Variants in FRMD1 observed in about 807,000 individuals in gnomAD.
The protein encoded by FRMD1 is FERM domain-containing protein 1.
A neutral mutation model predicts 54.9 loss-of-function variants in FRMD1; 51 were observed. The observed-to-expected ratio is 0.93, with a 90% CI of 0.74 to 1.17. FRMD1 has a LOEUF of 1.17. FRMD1 is among the 50% of genes most tolerant of loss of function. FRMD1 has a pLI of 0.00. For synonymous variants in FRMD1, 324 were observed against 306.4 expected (o/e 1.06, Z -0.60); for missense variants, 729 against 743.0 (o/e 0.98, Z 0.22).
chr6:168,087,628 A>G (rs1800943838), intron 1 of FRMD1, among the ~76,000 whole-genome samples: 1 of 152,170 alleles, frequency 6.6e-6, no homozygotes, highest in Non-Finnish European at 1.5e-5. Context: ...TGGCGTGTGC[A>G]ATGCGTGCGC....
In FRMD1 at chr6:168,065,008, G is replaced by C. The variant is rs1217667666; in HGVS notation, c.511C>G (p.Leu171Val). Residue 171 changes from leucine to valine, a missense_variant, in exon 5 of 11, where the codon CTG becomes GTG. Leu to Val is a conservative substitution (Grantham distance 32, BLOSUM62 1). Transcript: ENST00000283309. The part of the protein sequence containing the change: ...LYYCHLKERV[L>V]RSQCAHREEA... ...TCCCGGTGAGCGCACTGTGACCTCAGCACGCGCTCCTTCAAGTGGCAGTAG... is the reference window on the plus strand; with the variant it reads ...TCCCGGTGAGCGCACTGTGACCTCACCACGCGCTCCTTCAAGTGGCAGTAG... The C allele has an allele frequency of 2.5e-6, 4 of 1,611,338 alleles. No homozygotes were observed. The African/African-American group carries it at 5.3e-5, about 21-fold the overall frequency.
upstream of FRMD1, among the ~76,000 whole-genome samples, chr6:168,085,463 C>A (rs1196872798): frequency 6.6e-6 from 1 of 152,224 alleles, no homozygotes; most frequent in Non-Finnish European, 1.5e-5. Context: ...GCACTCCAGC[C>A]CCTGGGAATG....
intron 6 of FRMD1, 56 bp from the exon 7 acceptor site, chr6:168,063,015 G>A: frequency 2.8e-6 from 4 of 1,450,928 alleles, no homozygotes; most frequent in Non-Finnish European, 2.9e-6. Flanking sequence ...GGGCCTCACT[G>A]ATGGCAGAGT....
At chr6:168,075,855 G>A (rs529559330) in intron 1 of FRMD1, 64 of 1,447,486 alleles carry the variant, frequency 4.4e-5, no homozygotes, top group Non-Finnish European at 5.9e-5. Flanking sequence ...GGCGTCCCGT[G>A]TCCACATTTC....
Position 168,063,604 on chromosome 6 carries a change from G to T in FRMD1, c.801C>A (p.His267Gln), listed in dbSNP as rs1217239237. 1 of 1,610,642 alleles carries T rather than the reference G, an allele frequency of 6.2e-7. No individual in the cohort carries two copies. Residue 267 changes from histidine (H) to glutamine (Q), a missense_variant, in exon 6 of 11, where the codon CAC (histidine) becomes CAA (glutamine). Coordinates refer to ENST00000283309, the MANE Select transcript of FRMD1 (RefSeq NM_024919.6). ...EDVPVHFFRL[H>Q]KDKKEGRPTV... ...CGCTGGCCGCCCTGGGCTCGACCTT[G>T]TGCAGCCTGAAGAAGTGCACGGGCA...
chr6:168,088,052 C>G (rs1800951812), intron 1 of FRMD1, among the ~76,000 whole-genome samples: 2 of 152,322 alleles, frequency 1.3e-5, no homozygotes, highest in East Asian at 3.9e-4. Flanking sequence ...AAGGCTCTCT[C>G]CCTCTGGTTC....
Position 168,064,924 on chromosome 6 carries a change from C to G in FRMD1, c.595G>C (p.Glu199Gln). 6.2e-7 allele frequency: 1 copy of G among 1,606,498 alleles called. No homozygotes were observed. Among genetic ancestry groups the G allele is most frequent in the Non-Finnish European group, 8.5e-7 (1 of 1,177,134 alleles). Residue 199 changes from glutamate (E) to glutamine (Q), a missense_variant, in exon 5 of 11, where the codon GAG becomes CAG. Glu to Gln is a conservative substitution (Grantham distance 29). Coordinates refer to ENST00000283309, the MANE Select transcript of FRMD1 (RefSeq NM_024919.6). ...ALQADLGEHR[E>Q]SAHAGRYFEP... ...AAGTACCTCCCGGCATGGGCCGACT[C>G]CCGGTGCTCGCCCAGGTCAGCCTGC...
rs1310900806 is a variant in FRMD1 at position 168,065,055 on chromosome 6, T to A, written c.464A>T (p.Asp155Val). 1.3e-6 allele frequency: 2 copies of A among 1,598,476 alleles called. No homozygotes were observed. Among genetic ancestry groups the A allele is most frequent in the East Asian group, 2.2e-5 (1 of 44,546 alleles). The part of the protein sequence containing the change: ...HYVENGRVIS[D>V]HRARHLYYCH... ...GTAGTACAGGTGCCGTGCCCTGTGGTCGCTGGAAGGTGGCAGGGAGTGAGT... is the reference window on the plus strand; with the variant it reads ...GTAGTACAGGTGCCGTGCCCTGTGGACGCTGGAAGGTGGCAGGGAGTGAGT... Residue 155 changes from aspartate (D) to valine (V), a missense_variant and splice_region_variant, in exon 5 of 11, where the codon GAC (aspartate) becomes GTC (valine). Physicochemically the swap from Asp to Val is radical, Grantham distance 152 (BLOSUM62 -3). Transcript: ENST00000283309.
At chr6:168,069,085 T>C (rs1426202489) in intron 2 of FRMD1, among the ~76,000 whole-genome samples, 2 of 152,246 alleles carry the variant, frequency 1.3e-5, no homozygotes, top group South Asian at 4.1e-4. Context: ...TGCCATGCTC[T>C]GTGTTAAAGA....
chr6:168,092,988 G>A (rs561902675), intron 1 of FRMD1: 2 of 152,414 alleles, frequency 1.3e-5, no homozygotes, highest in South Asian at 4.1e-4. Flanking sequence ...CATGGCTGGG[G>A]AAGCCTCACA....
In FRMD1 at chr6:168,059,593, G is replaced by A. The variant is rs1260437206; in HGVS notation, c.1343-405C>T. On this transcript the variant is annotated intron_variant, in intron 9 of 10. Coordinates refer to ENST00000283309, the MANE Select transcript of FRMD1 (RefSeq NM_024919.6). The surrounding 1 kb of genome is among the most constrained non-coding windows in gnomAD (Gnocchi z 4.4). Reference sequence around the variant, plus strand: ...CCTGGATGGCCCTGGGTGACTGTAGGTGATGCTGGGCGGTCCTGGGTGACT... The same window carrying A: ...CCTGGATGGCCCTGGGTGACTGTAGATGATGCTGGGCGGTCCTGGGTGACT... 6.6e-6 allele frequency among the ~76,000 whole-genome samples: 1 copy of A among 152,162 alleles called. No individual in the cohort carries two copies. Among genetic ancestry groups the A allele is most frequent in the Non-Finnish European group, 1.5e-5 (1 of 68,008 alleles).
intron 3 of FRMD1, 107 bp downstream of exon 3, chr6:168,067,260 C>T: frequency 4.0e-6 from 3 of 754,756 alleles, no homozygotes; most frequent in Non-Finnish European, 4.6e-6. Context: ...CCCCGCGGTC[C>T]CCCACAGCCC....
At chr6:168,089,171 A>G (rs1034645764) in intron 1 of FRMD1, among the ~76,000 whole-genome samples, 49 of 152,296 alleles carry the variant, frequency 3.2e-4, no homozygotes, top group African/African-American at 1.2e-3. Flanking sequence ...GTTCAAACCC[A>G]ATCAGCCTCC....
rs200893521 is a variant in FRMD1 at position 168,059,108 on chromosome 6, G to A, written c.1407+16C>T. 345 of 1,557,282 alleles carry A rather than the reference G, an allele frequency of 2.2e-4. No individual in the cohort carries two copies. The highest frequency in any genetic ancestry group is 4.4e-4 in the Admixed American group (24 of 54,214). On this transcript the variant is annotated intron_variant, in intron 10 of 10. Transcript: ENST00000283309. The surrounding 1 kb of genome is among the most constrained non-coding windows in gnomAD (Gnocchi z 4.4). Reference sequence around the variant, plus strand: ...GGAGCAGGGCCAGGGCTTCTGGCCCGTGGGGGGGACTCTACCTGGTGCACG... The same window carrying A: ...GGAGCAGGGCCAGGGCTTCTGGCCCATGGGGGGGACTCTACCTGGTGCACG...
At chr6:168,075,154 A>C in intron 2 of FRMD1, 91 bp downstream of exon 2, 1 of 1,022,524 alleles carries the variant, frequency 9.8e-7, no homozygotes, top group Non-Finnish European at 1.5e-6. Context: ...AACTGTGTAC[A>C]TTATGGATGT....
chr6:168,090,600 G>C (rs1044666444), intron 1 of FRMD1, among the ~76,000 whole-genome samples: 3 of 152,224 alleles, frequency 2.0e-5, no homozygotes, highest in Non-Finnish European at 4.4e-5. Context: ...ACGGCGTTTA[G>C]AGTAACTTGA....
At chr6:168,086,435 T>C (rs1800920559), upstream of FRMD1, among the ~76,000 whole-genome samples, 1 of 143,188 alleles carries the variant, frequency 7.0e-6, no homozygotes, top group Admixed American at 6.9e-5. Context: ...TGGATGCCCA[T>C]GTCCCAACAT....
At chr6:168,071,052 C>T (rs1345551715) in intron 2 of FRMD1, among the ~76,000 whole-genome samples, 1 of 152,216 alleles carries the variant, frequency 6.6e-6, no homozygotes, top group African/African-American at 2.4e-5. Context: ...CCACTGTGCC[C>T]TGCTACCCTT....
At chr6:168,064,775 C>T in intron 5 of FRMD1, 96 bp downstream of exon 5, 1 of 1,473,170 alleles carries the variant, frequency 6.8e-7, no homozygotes, top group Non-Finnish European at 9.0e-7. Context: ...GCAGCCCCTG[C>T]CAGGCCCTCA....
Sources: gnomAD v4.1 joint callset for allele counts (sites outside exome capture counted in the v4.1 genomes callset) on GRCh38, gnomAD v4.1.1 for gene constraint, Gnocchi (gnomAD v3.1) non-coding constraint, MANE v1.5 for transcripts, NCBI Gene and HGNC (gene_info 2026-07-23, HGNC 2026-07-21) for gene names.